Variants in TUSC3 observed in about 807,000 individuals in gnomAD.
TUSC3 encodes tumor suppressor candidate 3.
In TUSC3, 45 loss-of-function variants were observed where a neutral mutation model predicts 44.8. The observed-to-expected ratio is 1.00, with a 90% CI of 0.79 to 1.29. The LOEUF is 1.29. TUSC3 is among the 50% of genes most tolerant of loss of function. The probability of loss-of-function intolerance (pLI) is 0.00; values close to 1 mark genes in which losing one functional copy is unlikely to be tolerated. For synonymous variants in TUSC3, 212 were observed against 152.9 expected (o/e 1.39, Z -2.85); for missense variants, 519 against 437.9 (o/e 1.19, Z -1.65).
chr8:15,743,913 G>C (rs902202389), intron 8 of TUSC3, among the ~76,000 whole-genome samples: 9 of 152,026 alleles, frequency 5.9e-5, no homozygotes, highest in Admixed American at 5.9e-4. Context: ...ATTCCACCCG[G>C]CACAGAGAGA....
intron 4 of TUSC3, among the ~76,000 whole-genome samples, chr8:15,660,902 GT>G (rs67553172): frequency 0.31 from 38,275 of 122,494 alleles, 5,136 homozygotes; most frequent in Non-Finnish European, 0.33. Flanking sequence ...ATAAACTTTT[GT>G]TAAAAAAAAA....
chr8:15,846,467 T>C, the TUSC3 span, among the ~76,000 whole-genome samples: 7 of 152,006 alleles, frequency 4.6e-5, no homozygotes, highest in African/African-American at 1.7e-4. Flanking sequence ...CTTAGAACCA[T>C]CAATGATAGA....
chr8:15,425,614 G>A (rs192941627), intron 1 of TUSC3, among the ~76,000 whole-genome samples: 4 of 152,316 alleles, frequency 2.6e-5, no homozygotes, highest in East Asian at 1.9e-4. Flanking sequence ...AAGTGTGGCC[G>A]AGTCTGAGCC....
chr8:15,678,685 G>A (rs1029904307), intron 6 of TUSC3, among the ~76,000 whole-genome samples: 1 of 152,122 alleles, frequency 6.6e-6, no homozygotes, highest in East Asian at 1.9e-4. Flanking sequence ...TACATGTGCA[G>A]GTTGTTACAA....
chr8:15,788,482 G>A, the TUSC3 span, among the ~76,000 whole-genome samples: 2 of 150,652 alleles, frequency 1.3e-5, no homozygotes, highest in South Asian at 4.2e-4. Context: ...AGGAGGCGGA[G>A]GTTGCAGTGA....
rs565002998 is a variant in TUSC3 at position 15,598,968 on chromosome 8, T to G, written c.139-24112T>G. 2.4e-3 allele frequency among the ~76,000 whole-genome samples: 366 copies of G among 151,832 alleles called. 4 individuals are homozygous for G. Among genetic ancestry groups the G allele is most frequent in the Non-Finnish European group, 4.7e-3 (316 of 67,792 alleles). On this transcript the variant is annotated intron_variant, in intron 1 of 10. Transcript: ENST00000503731. ...TTTTGAGTAGATCCCAAGGAATGCA[T>G]TTGCTGGATCAAGTGGTTAAAATTA... is the stretch of plus-strand genomic sequence containing the variant.
At chr8:15,540,725 G>T (rs1267626766) in intron 1 of TUSC3, among the ~76,000 whole-genome samples, 157 bp downstream of exon 1, 6 of 152,144 alleles carry the variant, frequency 3.9e-5, no homozygotes, top group African/African-American at 7.2e-5. Context: ...GCCCTGGGGC[G>T]TTTCCGGGAC....
chr8:15,724,197 C>G (rs1253098184), intron 6 of TUSC3, among the ~76,000 whole-genome samples: 1 of 152,102 alleles, frequency 6.6e-6, no homozygotes, highest in African/African-American at 2.4e-5. Context: ...GGATCCCTCA[C>G]CAGACACCAA....
intron 1 of TUSC3, among the ~76,000 whole-genome samples, chr8:15,470,371 A>G (rs1800473696): frequency 6.6e-6 from 1 of 152,082 alleles, no homozygotes; most frequent in Admixed American, 6.6e-5. Context: ...ATAATAGTGG[A>G]TGCCTTCCTT....
intron 6 of TUSC3, among the ~76,000 whole-genome samples, chr8:15,685,704 A>G (rs1002709151): frequency 6.6e-6 from 1 of 152,176 alleles, no homozygotes; most frequent in Admixed American, 6.5e-5. Flanking sequence ...AGTTTGTGGC[A>G]GTCAACAGAA....
intron 6 of TUSC3, among the ~76,000 whole-genome samples, chr8:15,715,091 C>CT (rs945888334): frequency 1.3e-5 from 2 of 152,000 alleles, no homozygotes; most frequent in East Asian, 1.9e-4. Context: ...CTCAAGGTTT[C>CT]TTTTTTTTCC....
chr8:15,773,353 C>G, the TUSC3 span, among the ~76,000 whole-genome samples: 2 of 152,018 alleles, frequency 1.3e-5, no homozygotes, highest in Admixed American at 1.3e-4. Flanking sequence ...GAAATTAAGA[C>G]AATTTCATTT....
chr8:15,812,243 T>C, the TUSC3 span, among the ~76,000 whole-genome samples: 6 of 152,148 alleles, frequency 3.9e-5, no homozygotes, highest in African/African-American at 9.7e-5. Flanking sequence ...AGCTAGAGGA[T>C]TGTAGACTGA....
chr8:15,786,122 ATTT>A, the TUSC3 span, among the ~76,000 whole-genome samples: 3 of 152,194 alleles, frequency 2.0e-5, no homozygotes, highest in African/African-American at 7.2e-5. Flanking sequence ...AATGTAAAAG[ATTT>A]TTAAATCTAT....
intron 2 of TUSC3, among the ~76,000 whole-genome samples, chr8:15,642,287 A>T (rs1024214554): frequency 1.1e-4 from 17 of 152,220 alleles, no homozygotes; most frequent in African/African-American, 4.1e-4. Flanking sequence ...TTATTTAAGA[A>T]TAGTATGTGA....
chr8:15,770,953 C>A (rs1812431586), downstream of TUSC3, among the ~76,000 whole-genome samples: 1 of 152,108 alleles, frequency 6.6e-6, no homozygotes, highest in Non-Finnish European at 1.5e-5. Flanking sequence ...TCAAAGAGAT[C>A]CATACCAAGA....
chr8:15,811,320 C>T, the TUSC3 span, among the ~76,000 whole-genome samples: 1 of 152,120 alleles, frequency 6.6e-6, no homozygotes, highest in Non-Finnish European at 1.5e-5. Flanking sequence ...TTGTCCACAT[C>T]AAGTGTCTAT....
chr8:15,756,152 G>C (rs535088858), intron 9 of TUSC3, among the ~76,000 whole-genome samples: 1 of 152,162 alleles, frequency 6.6e-6, no homozygotes. Flanking sequence ...ATTAGCTAGA[G>C]CTCTAGCTCT....
chr8:15,494,767 G>A (rs1800857533), intron 2 of TUSC3, among the ~76,000 whole-genome samples: 1 of 152,198 alleles, frequency 6.6e-6, no homozygotes, highest in African/African-American at 2.4e-5. Flanking sequence ...ATGACAAAGG[G>A]TGAAATAGAC....
Sources: allele counts gnomAD v4.1 joint callset (sites outside exome capture counted in the v4.1 genomes callset), GRCh38; gene constraint gnomAD v4.1.1; transcripts MANE v1.5; gene names NCBI Gene and HGNC (gene_info 2026-07-23, HGNC 2026-07-21).